Variants in DIP2C observed in about 807,000 individuals in gnomAD.
DIP2C encodes the protein disco-interacting protein 2 homolog C.
A neutral mutation model predicts 192.4 loss-of-function variants in DIP2C; 33 were observed. That is an observed-to-expected ratio of 0.17 (90% CI 0.13 to 0.23). DIP2C has a LOEUF of 0.23. Among genes scored for constraint, DIP2C ranks in the 10% least tolerant of loss-of-function variants. The pLI, the probability that DIP2C is intolerant of heterozygous loss-of-function variation, is 1.00. For missense variants in DIP2C, 1,537 were observed against 2,110.1 expected (o/e 0.73, Z 5.32); for synonymous variants, 979 against 864.1 (o/e 1.13, Z -2.33).
intron 29 of DIP2C, 185 bp downstream of exon 29, chr10:341,014 C>A: frequency 1.2e-6 from 1 of 807,016 alleles, no homozygotes; most frequent in East Asian, 2.5e-5. Context: ...CAAAGTCACC[C>A]CAGGTGCTGC....
chr10:415,464 T>C (rs1965565363), intron 7 of DIP2C, among the ~76,000 whole-genome samples: 1 of 152,172 alleles, frequency 6.6e-6, no homozygotes, highest in Non-Finnish European at 1.5e-5. Context: ...CCAGTTTACT[T>C]GTTTTTCTAC....
intron 3 of DIP2C, among the ~76,000 whole-genome samples, chr10:454,234 C>T (rs1465361675): frequency 1.3e-5 from 2 of 152,200 alleles, no homozygotes; most frequent in Non-Finnish European, 1.5e-5. Flanking sequence ...TCAGGATCAG[C>T]TTCATGCAGC....
intron 1 of DIP2C, among the ~76,000 whole-genome samples, chr10:513,144 C>T (rs1285512854): frequency 2.0e-5 from 3 of 150,912 alleles, no homozygotes; most frequent in Admixed American, 1.3e-4. Context: ...CATCTGTATC[C>T]AATATTTTAG....
intron 24 of DIP2C, among the ~76,000 whole-genome samples, chr10:353,349 T>TA (rs929205527): frequency 7.2e-5 from 11 of 152,328 alleles, no homozygotes; most frequent in African/African-American, 2.4e-4. Context: ...AGGTATAAGT[T>TA]AAAAAAGGTC....
intron 1 of DIP2C, chr10:650,663 G>C: frequency 3.2e-6 from 2 of 619,794 alleles, no homozygotes; most frequent in Non-Finnish European, 5.9e-6. Flanking sequence ...CACAGCACGT[G>C]AGCTGGCAAG....
chr10:523,811 G>C (rs190844293), intron 1 of DIP2C, among the ~76,000 whole-genome samples: 1 of 152,230 alleles, frequency 6.6e-6, no homozygotes, highest in Non-Finnish European at 1.5e-5. Context: ...GAGGATGCAG[G>C]GACTGCTCTG....
chr10:373,085 C>G (rs529303806), intron 17 of DIP2C, among the ~76,000 whole-genome samples: 9 of 152,328 alleles, frequency 5.9e-5, no homozygotes, highest in African/African-American at 2.2e-4. Context: ...CTTCACTGCC[C>G]AAGTGGGTGG....
chr10:377,274 G>A (rs971613704), intron 17 of DIP2C, among the ~76,000 whole-genome samples: 1 of 152,152 alleles, frequency 6.6e-6, no homozygotes, highest in African/African-American at 2.4e-5. Context: ...CTATTTCCAG[G>A]GGAGGTTATG....
intron 1 of DIP2C, among the ~76,000 whole-genome samples, chr10:495,314 G>C (rs77465734): frequency 0.016 from 2,423 of 152,276 alleles, 68 homozygotes; most frequent in African/African-American, 0.055. Flanking sequence ...GGTAACTACA[G>C]TTAATAACAA....
chr10:581,465 T>C (rs537629991), intron 1 of DIP2C, among the ~76,000 whole-genome samples: 259 of 152,308 alleles, frequency 1.7e-3, no homozygotes, highest in African/African-American at 5.8e-3. Flanking sequence ...TAGAGGTTTT[T>C]TTTAAAGTTA....
In DIP2C at chr10:369,597, A is replaced by C; in HGVS notation, c.2028T>G (p.Gly676=). The stretch of plus-strand genomic sequence containing the variant: ...AGGTCAGTCCATGCATGGAGAGGAC[A>C]CCCCGGCCCGGGGGCTGGTTACTGT... ...TDDSNQPPGR[G]VLSMHGLTYG... is the part of the protein sequence containing the mutation. Residue 676 remains glycine, a synonymous_variant, in exon 18 of 37, where the codon GGT becomes GGG. Transcript: ENST00000280886. The C allele has an allele frequency of 6.2e-7, 1 of 1,613,588 alleles. No individual in the cohort carries two copies. Among genetic ancestry groups the C allele is most frequent in the Non-Finnish European group, 8.5e-7 (1 of 1,179,778 alleles).
chr10:583,626 G>A (rs545459059), intron 1 of DIP2C, among the ~76,000 whole-genome samples: 351 of 152,216 alleles, frequency 2.3e-3, no homozygotes, highest in Non-Finnish European at 3.6e-3. Flanking sequence ...GGCTGCTCCC[G>A]AGACTGTGCT....
intron 25 of DIP2C, among the ~76,000 whole-genome samples, 158 bp downstream of exon 25, chr10:349,173 C>T (rs1346849310): frequency 6.6e-6 from 1 of 152,194 alleles, no homozygotes; most frequent in African/African-American, 2.4e-5. Context: ...TGGTCGTAGC[C>T]AGACACAAAC....
At chr10:393,809 AAAAG>A (rs1293104415) in intron 10 of DIP2C, among the ~76,000 whole-genome samples, 1 of 149,484 alleles carries the variant, frequency 6.7e-6, no homozygotes, top group African/African-American at 2.5e-5. Context: ...AAAAAAAAGA[AAAAG>A]AAAAAGGAAA....
chr10:535,843 C>G (rs1381566095), intron 1 of DIP2C, among the ~76,000 whole-genome samples: 1 of 152,198 alleles, frequency 6.6e-6, no homozygotes, highest in East Asian at 1.9e-4. Context: ...TTTGCTCTTG[C>G]AGTGTACTCT....
At chr10:441,207 A>G (rs1967698521) in intron 3 of DIP2C, 2 of 575,168 alleles carry the variant, frequency 3.5e-6, no homozygotes, top group East Asian at 6.4e-5. Context: ...ATTACCACAG[A>G]ATCCATATCC....
At chr10:595,702 G>C (rs1210540911) in intron 1 of DIP2C, among the ~76,000 whole-genome samples, 1 of 152,186 alleles carries the variant, frequency 6.6e-6, no homozygotes. Flanking sequence ...CAGGACCCGC[G>C]CCCACCCTGT....
chr10:641,497 TACTC>T (rs1020420445), intron 1 of DIP2C, among the ~76,000 whole-genome samples: 2 of 152,140 alleles, frequency 1.3e-5, no homozygotes, highest in African/African-American at 4.8e-5. Context: ...ATGAAGATGA[TACTC>T]ACACAACGCC....
At chr10:574,051 T>C (rs1849992203) in intron 1 of DIP2C, among the ~76,000 whole-genome samples, 1 of 152,004 alleles carries the variant, frequency 6.6e-6, no homozygotes, top group Non-Finnish European at 1.5e-5. Context: ...TGCAAGGGAG[T>C]TGAAGAAAAC....
Sources: allele counts gnomAD v4.1 joint callset (sites outside exome capture counted in the v4.1 genomes callset), GRCh38; gene constraint gnomAD v4.1.1; transcripts MANE v1.5; gene names NCBI Gene and HGNC (gene_info 2026-07-23, HGNC 2026-07-21).